Variants in ADGRE1 observed in about 807,000 individuals in gnomAD.
ADGRE1 encodes the protein adhesion G protein-coupled receptor E1.
ADGRE1 carries 82 observed loss-of-function variants against 102.7 expected under a neutral mutation model. The ratio of observed to expected loss-of-function variants is 0.80; its 90% CI spans 0.67 to 0.96. The LOEUF (loss-of-function observed/expected upper bound fraction) is 0.96, where lower values mean the gene tolerates loss of function less well. ADGRE1 is among the 40% of genes least tolerant of loss of function. The pLI, the probability that ADGRE1 is intolerant of heterozygous loss-of-function variation, is 0.00. For synonymous variants in ADGRE1, 398 were observed against 399.6 expected (o/e 1.00, Z 0.05); for missense variants, 1,032 against 1,085.3 (o/e 0.95, Z 0.69).
intron 10 of ADGRE1, among the ~76,000 whole-genome samples, 174 bp downstream of exon 10, chr19:6,908,946 C>T (rs1974072633): frequency 6.6e-6 from 1 of 151,858 alleles, no homozygotes; most frequent in South Asian, 2.1e-4. Flanking sequence ...CCAGCCTAGC[C>T]AACATGATGA....
In ADGRE1 at chr19:6,913,728, T is replaced by C; in HGVS notation, c.1198T>C (p.Ser400Pro). The change falls in exon 11 of 21, where the codon TCC becomes CCC. Residue 400 changes from serine (S) to proline (P), a missense_variant. By Grantham distance (74) the Ser-to-Pro change is moderately conservative. Transcript: ENST00000312053. Reference protein sequence around the residue: ...WTKFTKEETSSLATVFLESVE... With the variant: ...WTKFTKEETSPLATVFLESVE... ...TAAATTCACCAAGGAAGAGACGTCC[T>C]CCCTGGCCACAGTCTTCCTGGAGAG... 1 of 1,613,568 alleles carries C rather than the reference T, an allele frequency of 6.2e-7. No individual in the cohort carries two copies. Among genetic ancestry groups the C allele is most frequent in the Middle Eastern group, 1.6e-4 (1 of 6,062 alleles).
chr19:6,904,039 T>C lies in ADGRE1; in HGVS notation c.806T>C (p.Ile269Thr), dbSNP rs749827165. Reference sequence around the variant, plus strand: ...GATATTCTCCAGTTCTTTGCAGATATTGATGAGTGCCGCCAAGATCCATCA... The same window carrying C: ...GATATTCTCCAGTTCTTTGCAGATACTGATGAGTGCCGCCAAGATCCATCA... Reference protein sequence around the residue: ...FTDQGVECRDIDECRQDPSTC... With the variant: ...FTDQGVECRDTDECRQDPSTC... The change falls in exon 8 of 21, where the codon ATT (isoleucine) becomes ACT (threonine). Residue 269 changes from isoleucine to threonine, a missense_variant. Ile to Thr is a moderately conservative substitution (Grantham distance 89). Transcript: ENST00000312053. 4 of 1,614,204 alleles carry C rather than the reference T, an allele frequency of 2.5e-6. No individual in the cohort carries two copies. The highest frequency in any genetic ancestry group is 2.5e-6 in the Non-Finnish European group (3 of 1,180,034).
At chr19:6,925,455 C>T (rs76342296) in intron 15 of ADGRE1, among the ~76,000 whole-genome samples, 48 of 152,246 alleles carry the variant, frequency 3.2e-4, no homozygotes, top group Admixed American at 1.4e-3. Context: ...GAGGTTCTCT[C>T]CCTGGGTGCT....
chr19:6,935,897 C>T (rs375298147), intron 18 of ADGRE1, among the ~76,000 whole-genome samples: 4 of 152,132 alleles, frequency 2.6e-5, no homozygotes, highest in African/African-American at 4.8e-5. Context: ...TGATTTAATG[C>T]GTGAAATATT....
chr19:6,934,600 ATTT>A (rs71177133), intron 17 of ADGRE1, among the ~76,000 whole-genome samples: 1,360 of 84,030 alleles, frequency 0.016, 29 homozygotes, highest in African/African-American at 0.047. Context: ...TAATTTTTGT[ATTT>A]TTTTTTTTTT....
intron 16 of ADGRE1, among the ~76,000 whole-genome samples, chr19:6,927,847 A>G (rs1974984683): frequency 6.6e-6 from 1 of 152,052 alleles, no homozygotes; most frequent in Admixed American, 6.6e-5. Flanking sequence ...TTTGAATGAT[A>G]AGGTGTACCA....
chr19:6,895,782 T>C (rs1469089047), intron 2 of ADGRE1: 1 of 152,262 alleles, frequency 6.6e-6, no homozygotes, highest in Non-Finnish European at 1.5e-5. Flanking sequence ...CATTTCCATC[T>C]AACTCCCAGG....
At chr19:6,889,279 A>AATG (rs201022066) in intron 1 of ADGRE1, among the ~76,000 whole-genome samples, 25 of 148,828 alleles carry the variant, frequency 1.7e-4, no homozygotes, top group Admixed American at 1.5e-3. Flanking sequence ...TGGTGATAAT[A>AATG]ATGATGATGA....
chr19:6,918,411 A>G (rs1424172765), intron 12 of ADGRE1, among the ~76,000 whole-genome samples: 1 of 152,118 alleles, frequency 6.6e-6, no homozygotes, highest in East Asian at 1.9e-4. Context: ...ATTGCACTCC[A>G]GCATGGGCAA....
intron 2 of ADGRE1, chr19:6,896,151 G>GT: frequency 2.4e-6 from 1 of 413,422 alleles, no homozygotes; most frequent in Non-Finnish European, 4.4e-6. Context: ...CTTCTTATAA[G>GT]GACACCTGTG....
Position 6,908,800 on chromosome 19 carries a change from T to G in ADGRE1, c.1122+28T>G, listed in dbSNP as rs116149849. On this transcript the variant is annotated intron_variant, in intron 10 of 20. Coordinates refer to ENST00000312053, the MANE Select transcript of ADGRE1 (RefSeq NM_001974.5). ...AACGATTGGGTCTTTTAAATTGTGT[T>G]TTGAGTTTCAAACATCTTGGGCACA... The G allele has an allele frequency of 2.1e-3, 3,284 of 1,589,694 alleles. 28 individuals carry two copies. The highest frequency in any genetic ancestry group is 0.02 in the African/African-American group (1,444 of 73,272).
chr19:6,928,471 C>CA lies in ADGRE1; in HGVS notation c.2289+266dup. ...CGAAACCCCATCTCTGCTAAAAATA[C>CA]AAAAAATTAGCTGGGTGTGGTGGCG... On this transcript the variant is annotated intron_variant, in intron 17 of 20. Transcript: ENST00000312053. The CA allele has an allele frequency of 5.5e-6, 4 of 721,874 alleles. 1 individual carries two copies. The highest frequency in any genetic ancestry group is 4.0e-5 in the South Asian group (2 of 49,914). The allele number at this position is 721,874 out of a possible 1,614,324, so 44.7% of individuals were successfully genotyped here.
chr19:6,906,097 C>G (rs1450465187), intron 8 of ADGRE1, among the ~76,000 whole-genome samples: 6 of 152,110 alleles, frequency 3.9e-5, no homozygotes, highest in Non-Finnish European at 7.4e-5. Context: ...CTCTGTTTCA[C>G]TCAATATCAT....
intron 1 of ADGRE1, 139 bp downstream of exon 1, chr19:6,887,778 C>T (rs1187134817): frequency 4.4e-6 from 4 of 904,674 alleles, no homozygotes; most frequent in South Asian, 3.6e-5. Context: ...ATTCAGGGAA[C>T]CTTTGACAAA....
Position 6,904,078 on chromosome 19 carries a change from ATT to A in ADGRE1, c.846_847del (p.Ser283TyrfsTer40). The stretch of plus-strand genomic sequence containing the variant: ...CAAGATCCATCAACCTGTGGTCCTA[ATT>A]CTATCTGCACCAATGCCCTGGGCTC... On this transcript the variant is annotated frameshift_variant, in exon 8 of 21. Coordinates refer to ENST00000312053, the MANE Select transcript of ADGRE1 (RefSeq NM_001974.5). LOFTEE classifies it high-confidence loss of function. 3 of 1,614,194 alleles carry A rather than the reference ATT, an allele frequency of 1.9e-6. No individual in the cohort carries two copies. Among genetic ancestry groups the A allele is most frequent in the Non-Finnish European group, 2.5e-6 (3 of 1,180,042 alleles).
rs529949678 is a variant in ADGRE1, at chr19:6,932,329, G to A, written c.2290-2658G>A. On this transcript the variant is annotated intron_variant, in intron 17 of 20. Coordinates refer to ENST00000312053, the MANE Select transcript of ADGRE1 (RefSeq NM_001974.5). ...TAAAAATACAAAAAATCAGCCAGGC[G>A]TGGTGGTGCACGCCTGTAGTCCCAG... Among the ~76,000 whole-genome samples, 4 of 152,156 alleles carry A rather than the reference G, an allele frequency of 2.6e-5. No homozygotes were observed. In the East Asian group the frequency reaches 5.8e-4, roughly 22 times the overall value.
chr19:6,896,440 C>A lies in ADGRE1; in HGVS notation c.137C>A (p.Thr46Asn). Reference sequence around the variant, plus strand: ...AGTACCTTGTGCCCAGCTTATGCCACCTGCACCAATACAGTGGACAGTTAC... The same window carrying A: ...AGTACCTTGTGCCCAGCTTATGCCAACTGCACCAATACAGTGGACAGTTAC... ...RDSTLCPAYA[T>N]CTNTVDSYYC... The change falls in exon 3 of 21, where the codon ACC becomes AAC. Residue 46 changes from threonine (T) to asparagine (N), a missense_variant. Thr to Asn is a moderately conservative substitution (Grantham distance 65). Coordinates refer to ENST00000312053, the MANE Select transcript of ADGRE1 (RefSeq NM_001974.5). 1 of 1,614,126 alleles carries A rather than the reference C, an allele frequency of 6.2e-7. No homozygotes were observed. The highest frequency in any genetic ancestry group is 8.5e-7 in the Non-Finnish European group (1 of 1,179,982).
chr19:6,887,789 A>T, intron 1 of ADGRE1, 150 bp downstream of exon 1: 1 of 817,898 alleles, frequency 1.2e-6, no homozygotes, highest in Non-Finnish European at 1.9e-6. Context: ...CTTTGACAAA[A>T]TTCCATAGCT....
chr19:6,937,350 CCAT>C lies in ADGRE1; in HGVS notation c.2495_2497del (p.Ile832del). On this transcript the variant is annotated inframe_deletion, in exon 19 of 21. Transcript: ENST00000312053. The stretch of plus-strand genomic sequence containing the variant: ...GCAGGTGTCATGGCTTACCTGTTCA[CCAT>C]CATCAACAGCCTGCAGGGGGCCTTC... 1 of 1,614,058 alleles carries C rather than the reference CCAT, an allele frequency of 6.2e-7. No individual in the cohort carries two copies. The highest frequency in any genetic ancestry group is 8.5e-7 in the Non-Finnish European group (1 of 1,180,020).
Sources: gnomAD v4.1 joint callset for allele counts (sites outside exome capture counted in the v4.1 genomes callset) on GRCh38, gnomAD v4.1.1 for gene constraint, MANE v1.5 for transcripts, NCBI Gene and HGNC (gene_info 2026-07-23, HGNC 2026-07-21) for gene names.